BTBD9: variants seen among roughly 807,000 people sequenced by gnomAD.
BTBD9 encodes the protein BTB/POZ domain-containing protein 9.
BTBD9 carries 49 observed loss-of-function variants against 64.3 expected under a neutral mutation model. The ratio of observed to expected loss-of-function variants is 0.76; its 90% CI spans 0.61 to 0.97. BTBD9 has a LOEUF of 0.97. BTBD9 is among the 50% of genes least tolerant of loss of function. BTBD9 has a pLI of 0.00. For synonymous variants in BTBD9, 260 were observed against 274.7 expected (o/e 0.95, Z 0.53); for missense variants, 598 against 762.1 (o/e 0.78, Z 2.53).
chr6:38,344,008 AG>A (rs1764193333), intron 7 of BTBD9, among the ~76,000 whole-genome samples: 1 of 152,244 alleles, frequency 6.6e-6, no homozygotes, highest in African/African-American at 2.4e-5. Flanking sequence ...AACTTGGGAA[AG>A]AGAGGAGACA....
intron 6 of BTBD9, among the ~76,000 whole-genome samples, chr6:38,400,456 C>T (rs1439756903): frequency 1.3e-5 from 2 of 152,168 alleles, no homozygotes; most frequent in African/African-American, 4.8e-5. Context: ...AACCCCATGG[C>T]CTCTTTTCAG....
chr6:38,629,737 G>A (rs533914890), intron 1 of BTBD9, among the ~76,000 whole-genome samples: 32 of 152,134 alleles, frequency 2.1e-4, no homozygotes, highest in African/African-American at 7.5e-4. Flanking sequence ...CAGGAGAATC[G>A]CTTGAACCCA....
At chr6:38,638,456 T>G (rs1303259637) in intron 1 of BTBD9, among the ~76,000 whole-genome samples, 3 of 152,206 alleles carry the variant, frequency 2.0e-5, no homozygotes, top group Non-Finnish European at 4.4e-5. Flanking sequence ...GTGTGCTATA[T>G]AACAAATATC....
chr6:38,290,083 A>G (rs1761898938), intron 7 of BTBD9, among the ~76,000 whole-genome samples: 1 of 150,968 alleles, frequency 6.6e-6, no homozygotes, highest in Non-Finnish European at 1.5e-5. Flanking sequence ...ACATGCTTGT[A>G]CTTAAGCCCT....
At chr6:38,588,303 T>C (rs1243318788) in intron 4 of BTBD9, 2 of 1,074,122 alleles carry the variant, frequency 1.9e-6, no homozygotes, top group East Asian at 4.7e-5. Context: ...AGGCAAGCAA[T>C]TATCCTGCAC....
chr6:38,356,014 T>C (rs1204172046), intron 6 of BTBD9, among the ~76,000 whole-genome samples: 2 of 152,172 alleles, frequency 1.3e-5, no homozygotes, highest in Non-Finnish European at 2.9e-5. Flanking sequence ...AAATGTATTG[T>C]TTTACTGCCT....
intron 6 of BTBD9, among the ~76,000 whole-genome samples, chr6:38,473,035 T>C (rs1399799426): frequency 6.6e-6 from 1 of 152,176 alleles, no homozygotes; most frequent in Non-Finnish European, 1.5e-5. Flanking sequence ...TTTTCCAAAA[T>C]AATGGAAGTG....
intron 7 of BTBD9, among the ~76,000 whole-genome samples, chr6:38,309,628 G>C (rs940000253): frequency 1.3e-5 from 2 of 151,802 alleles, no homozygotes; most frequent in African/African-American, 4.8e-5. Flanking sequence ...GGCCAGGATG[G>C]TCTCAATCTC....
In BTBD9 at chr6:38,222,254, G is replaced by GTTTTTTTT. The variant is rs771737210; in HGVS notation, c.1563-29658_1563-29657insAAAAAAAA. 3.6e-4 allele frequency among the ~76,000 whole-genome samples: 35 copies of GTTTTTTTT among 96,700 alleles called. 6 individuals carry two copies. The highest frequency in any genetic ancestry group is 1.1e-3 in the East Asian group (3 of 2,686). 63.4% of individuals were successfully genotyped at this position (96,700 alleles called of 152,430 possible). ...TAAATTAGCCTTAATAATTCATTCA[G>GTTTTTTTT]TTGTTTTTTTTTTTTTTTTTTTTTT... On this transcript the variant is annotated intron_variant, in intron 9 of 10. Coordinates refer to ENST00000481247, the MANE Select transcript of BTBD9 (RefSeq NM_001099272.2).
chr6:38,557,629 A>G (rs1255623280), intron 6 of BTBD9, among the ~76,000 whole-genome samples: 1 of 152,252 alleles, frequency 6.6e-6, no homozygotes, highest in East Asian at 1.9e-4. Context: ...TATGACAACA[A>G]TGTAAACCTT....
intron 9 of BTBD9, among the ~76,000 whole-genome samples, chr6:38,216,685 T>C (rs765207807): frequency 3.3e-5 from 5 of 152,186 alleles, no homozygotes; most frequent in Non-Finnish European, 5.9e-5. Context: ...CACTATACAA[T>C]GAACTGTGTT....
chr6:38,356,684 A>G (rs1031241531), intron 6 of BTBD9, among the ~76,000 whole-genome samples: 9 of 152,220 alleles, frequency 5.9e-5, no homozygotes, highest in African/African-American at 2.2e-4. Context: ...GAGGGAAACT[A>G]GAAATGCAAT....
intron 9 of BTBD9, among the ~76,000 whole-genome samples, chr6:38,250,955 G>T (rs2127531356): frequency 6.6e-6 from 1 of 152,058 alleles, no homozygotes; most frequent in Non-Finnish European, 1.5e-5. Context: ...AGTGGCGTGT[G>T]CCTGTAATCT....
intron 1 of BTBD9, among the ~76,000 whole-genome samples, chr6:38,626,787 C>CA (rs772585529): frequency 6.6e-6 from 1 of 152,174 alleles, no homozygotes; most frequent in Non-Finnish European, 1.5e-5. Flanking sequence ...AGAAGTTTCT[C>CA]AATCACTGGT....
At chr6:38,498,948 A>T (rs1283630597) in intron 6 of BTBD9, among the ~76,000 whole-genome samples, 1 of 152,212 alleles carries the variant, frequency 6.6e-6, no homozygotes, top group Non-Finnish European at 1.5e-5. Context: ...CACATCAATT[A>T]TGTGTCATTT....
rs1019016335 is a variant in BTBD9 at position 38,593,065 on chromosome 6, A to C, written c.550-225T>G. On this transcript the variant is annotated intron_variant, in intron 3 of 10. Transcript: ENST00000481247. Reference sequence around the variant, plus strand: ...TTCAGGTATCTTGTACCACTACATCAAACATTTAATCTTTCCAAACACATC... The same window carrying C: ...TTCAGGTATCTTGTACCACTACATCCAACATTTAATCTTTCCAAACACATC... Among the ~76,000 whole-genome samples the C allele has an allele frequency of 8.5e-5, 13 of 152,356 alleles. No homozygotes were observed. In the South Asian group the frequency reaches 2.5e-3, roughly 29 times the overall value.
At chr6:38,472,245 T>G (rs913145649) in intron 6 of BTBD9, among the ~76,000 whole-genome samples, 1 of 152,170 alleles carries the variant, frequency 6.6e-6, no homozygotes, top group Non-Finnish European at 1.5e-5. Context: ...TGCAAATATA[T>G]AACATATTTT....
chr6:38,556,526 T>C (rs1421443673), intron 6 of BTBD9, among the ~76,000 whole-genome samples: 3 of 52,638 alleles, frequency 5.7e-5, no homozygotes, highest in African/African-American at 2.9e-4. Flanking sequence ...TGTGTGTGTG[T>C]GTGTGTGTGT....
chr6:38,495,858 T>G (rs1428052660), intron 6 of BTBD9, among the ~76,000 whole-genome samples: 1 of 152,178 alleles, frequency 6.6e-6, no homozygotes, highest in African/African-American at 2.4e-5. Context: ...TAAGAATGTC[T>G]TACTTATCCC....
Sources: allele counts gnomAD v4.1 joint callset (sites outside exome capture counted in the v4.1 genomes callset), GRCh38; gene constraint gnomAD v4.1.1; transcripts MANE v1.5; gene names NCBI Gene and HGNC (gene_info 2026-07-23, HGNC 2026-07-21).